The following ELMO1 variants were observed in gnomAD, a reference collection of about 807,000 sequenced individuals.
ELMO1 encodes the protein engulfment and cell motility protein 1.
Under a neutral mutation model 98.9 loss-of-function variants are expected in ELMO1, and 26 were observed. The observed-to-expected ratio is 0.26, with a 90% confidence interval of 0.19 to 0.36. The LOEUF is 0.36. Among genes scored for constraint, ELMO1 ranks in the 10% least tolerant of loss-of-function variants. The pLI is 1.00. For missense variants in ELMO1, 627 were observed against 935.2 expected (o/e 0.67, Z 4.30); for synonymous variants, 346 against 346.0 (o/e 1.00, Z 0.00).
At chr7:36,987,574 G>A (rs1173358753) in intron 16 of ELMO1, among the ~76,000 whole-genome samples, 1 of 152,164 alleles carries the variant, frequency 6.6e-6, no homozygotes, top group Non-Finnish European at 1.5e-5. Flanking sequence ...CCCTCAGCCC[G>A]TAATGACCCA....
At chr7:37,361,349 G>C (rs770455030) in intron 1 of ELMO1, among the ~76,000 whole-genome samples, 1 of 152,138 alleles carries the variant, frequency 6.6e-6, no homozygotes, top group Admixed American at 6.5e-5. Context: ...AAGTAAATCC[G>C]GAGTGAATTA....
chr7:36,868,902 G>C (rs1345717861), intron 20 of ELMO1, among the ~76,000 whole-genome samples: 2 of 152,082 alleles, frequency 1.3e-5, no homozygotes, highest in Non-Finnish European at 2.9e-5. Flanking sequence ...GTAACTGTGG[G>C]GACCTCCTCG....
intron 13 of ELMO1, among the ~76,000 whole-genome samples, chr7:37,174,841 C>T (rs572524949): frequency 5.9e-4 from 90 of 152,286 alleles, no homozygotes; most frequent in Admixed American, 5.4e-3. Context: ...ACCTTTAAAT[C>T]ACTTGTAAGC....
intron 14 of ELMO1, among the ~76,000 whole-genome samples, chr7:37,113,111 A>G (rs934940754): frequency 6.6e-6 from 1 of 152,264 alleles, no homozygotes; most frequent in African/African-American, 2.4e-5. Context: ...CCAGAAAGGC[A>G]GCTGCATCCA....
At chr7:37,295,069 T>C (rs1184622296) in intron 4 of ELMO1, among the ~76,000 whole-genome samples, 2 of 151,414 alleles carry the variant, frequency 1.3e-5, no homozygotes, top group East Asian at 3.9e-4. Flanking sequence ...TTACCTAGAG[T>C]AGGATATCAA....
intron 13 of ELMO1, among the ~76,000 whole-genome samples, chr7:37,145,697 T>A (rs190421371): frequency 5.9e-5 from 9 of 152,380 alleles, no homozygotes; most frequent in Admixed American, 3.3e-4. Flanking sequence ...GCTTGCCAGA[T>A]GGCATAGCGT....
intron 1 of ELMO1, among the ~76,000 whole-genome samples, chr7:37,416,548 T>C (rs888873462): frequency 1.3e-5 from 2 of 152,206 alleles, no homozygotes; most frequent in Admixed American, 1.3e-4. Flanking sequence ...CCCCTGGAAC[T>C]GGATAATGCA....
At chr7:37,121,217 C>T (rs1786009056) in intron 14 of ELMO1, among the ~76,000 whole-genome samples, 1 of 152,182 alleles carries the variant, frequency 6.6e-6, no homozygotes. Context: ...AATCAGAGCG[C>T]CTCTCCTCCT....
intron 15 of ELMO1, among the ~76,000 whole-genome samples, chr7:37,094,481 T>G (rs1282628994): frequency 6.6e-6 from 1 of 151,968 alleles, no homozygotes; most frequent in Non-Finnish European, 1.5e-5. Context: ...CCCTATTCTG[T>G]CCCCACCCCA....
At chr7:37,142,557 T>C (rs1023018246) in intron 13 of ELMO1, among the ~76,000 whole-genome samples, 2 of 152,246 alleles carry the variant, frequency 1.3e-5, no homozygotes, top group Non-Finnish European at 2.9e-5. Context: ...AACTATGTTT[T>C]GTTCCTACTT....
intron 16 of ELMO1, among the ~76,000 whole-genome samples, chr7:36,979,551 C>T (rs1199651546): frequency 1.3e-5 from 2 of 152,164 alleles, no homozygotes; most frequent in Non-Finnish European, 2.9e-5. Context: ...CCTTGTCCCC[C>T]ATCAATCTCT....
At chr7:37,057,274 G>A (rs1796435518) in intron 15 of ELMO1, among the ~76,000 whole-genome samples, 1 of 150,760 alleles carries the variant, frequency 6.6e-6, no homozygotes, top group African/African-American at 2.4e-5. Context: ...GTTGTCATGT[G>A]TTTTGAAAAA....
rs1357600495 is a variant in ELMO1, at chr7:37,292,979, G to A, written c.193-21097C>T. On this transcript the variant is annotated intron_variant, in intron 4 of 21. Transcript: ENST00000310758. Reference sequence around the variant, plus strand: ...CGGGAAGTGAGGGGCGCCTCTGCCCGGCCGCCCCTACTGGGAAGTGAGGAG... The same window carrying A: ...CGGGAAGTGAGGGGCGCCTCTGCCCAGCCGCCCCTACTGGGAAGTGAGGAG... 5.6e-5 allele frequency among the ~76,000 whole-genome samples: 3 copies of A among 53,162 alleles called. 1 individual carries two copies. The highest frequency in any genetic ancestry group is 1.1e-4 in the African/African-American group (2 of 17,810). The allele number at this position is 53,162 out of a possible 152,430, so 34.9% of individuals were successfully genotyped here.
At chr7:37,215,380 T>C (rs564638614) in intron 11 of ELMO1, among the ~76,000 whole-genome samples, 1 of 152,318 alleles carries the variant, frequency 6.6e-6, no homozygotes, top group Non-Finnish European at 1.5e-5. Context: ...TAGACATTTG[T>C]TTCTGCTGTT....
chr7:36,952,718 T>G (rs1191707351), intron 16 of ELMO1, among the ~76,000 whole-genome samples: 1 of 152,184 alleles, frequency 6.6e-6, no homozygotes, highest in Non-Finnish European at 1.5e-5. Context: ...AATACATTCT[T>G]TTCCATCACA....
At chr7:37,359,958 T>C (rs1418379119) in intron 1 of ELMO1, among the ~76,000 whole-genome samples, 1 of 152,200 alleles carries the variant, frequency 6.6e-6, no homozygotes, top group Non-Finnish European at 1.5e-5. Flanking sequence ...AGAGACTCCA[T>C]TTTTGATGCT....
intron 20 of ELMO1, among the ~76,000 whole-genome samples, chr7:36,864,868 C>T (rs1049165664): frequency 9.9e-5 from 15 of 152,224 alleles, no homozygotes; most frequent in African/African-American, 3.6e-4. Context: ...CTCTGCTGCA[C>T]TGATGCCTGC....
intron 1 of ELMO1, among the ~76,000 whole-genome samples, chr7:37,385,334 C>T (rs1185641855): frequency 6.6e-6 from 1 of 152,222 alleles, no homozygotes; most frequent in Admixed American, 6.5e-5. Flanking sequence ...GTTCCTCATT[C>T]CATCTCCCCC....
At chr7:37,188,621 A>G (rs1791392587) in intron 13 of ELMO1, among the ~76,000 whole-genome samples, 1 of 152,030 alleles carries the variant, frequency 6.6e-6, no homozygotes, top group East Asian at 1.9e-4. Context: ...TAAAACCATA[A>G]AATTAGTAAA....
Sources: gnomAD v4.1 joint callset for allele counts (sites outside exome capture counted in the v4.1 genomes callset) on GRCh38, gnomAD v4.1.1 for gene constraint, MANE v1.5 for transcripts, NCBI Gene and HGNC (gene_info 2026-07-23, HGNC 2026-07-21) for gene names.